ME3: variants seen among roughly 807,000 people sequenced by gnomAD.
ME3 encodes malic enzyme 3.
In ME3, 48 loss-of-function variants were observed where a neutral mutation model predicts 68.9. That is an observed-to-expected ratio of 0.70 (90% CI 0.55 to 0.89). ME3 has a LOEUF of 0.89. Among genes scored for constraint, ME3 ranks in the 40% least tolerant of loss-of-function variants. The pLI, the probability that ME3 is intolerant of heterozygous loss-of-function variation, is 0.00. For synonymous variants in ME3, 320 were observed against 318.8 expected, an observed-to-expected ratio of 1.00 and a Z score of -0.04; for missense variants, 675 against 797.4, an observed-to-expected ratio of 0.85 and a Z score of 1.85.
intron 2 of ME3, among the ~76,000 whole-genome samples, chr11:86,598,033 T>A (rs570135978): frequency 2.0e-5 from 3 of 151,882 alleles, no homozygotes; most frequent in Middle Eastern, 3.2e-3. Flanking sequence ...AGAAGATGGG[T>A]GATTTCTGCA....
chr11:86,528,724 A>G (rs1440963311), intron 4 of ME3, among the ~76,000 whole-genome samples: 4 of 151,764 alleles, frequency 2.6e-5, no homozygotes, highest in African/African-American at 7.3e-5. Context: ...GCTCAACTAC[A>G]TGGAAACTGA....
exon 1 of ME3, chr11:86,672,340 G>A: frequency 5.5e-6 from 1 of 181,098 alleles, no homozygotes; most frequent in Non-Finnish European, 1.1e-5. Flanking sequence ...TGCTCGGGGA[G>A]CTGAGGTCTA....
chr11:86,617,242 AAAT>A (rs1419687454), intron 2 of ME3, among the ~76,000 whole-genome samples: 2 of 151,524 alleles, frequency 1.3e-5, no homozygotes, highest in Non-Finnish European at 2.9e-5. Context: ...TAGGTTTTGA[AAAT>A]AATAATGCAG....
At chr11:86,532,699 T>C (rs374480485) in intron 4 of ME3, among the ~76,000 whole-genome samples, 204 of 152,266 alleles carry the variant, frequency 1.3e-3, no homozygotes, top group African/African-American at 4.3e-3. Context: ...TAGCATAATG[T>C]AACATATGAG....
chr11:86,564,851 C>G (rs913003334), intron 2 of ME3, among the ~76,000 whole-genome samples: 1 of 151,998 alleles, frequency 6.6e-6, no homozygotes, highest in Non-Finnish European at 1.5e-5. Context: ...AACTGGACTT[C>G]ATCAAAATAA....
intron 5 of ME3, among the ~76,000 whole-genome samples, chr11:86,504,507 C>G (rs773893011): frequency 2.0e-5 from 3 of 150,236 alleles, no homozygotes; most frequent in Non-Finnish European, 4.4e-5. Flanking sequence ...TCTCCTGCCT[C>G]AGCCTCCCGA....
At position 86,471,240 on chromosome 11, in the gene ME3, A is replaced by G. The variant is rs149240904; in HGVS notation, c.810-6040T>C. On this transcript the variant is annotated intron_variant, in intron 7 of 14. Coordinates refer to ENST00000543262, the Ensembl canonical transcript of ME3. The stretch of plus-strand genomic sequence containing the variant: ...CTCCTCCACCTCCCGGGTTCAAGCA[A>G]TTCTCCTGCCTCAGTCTCCCAAGTA... 2.1e-5 allele frequency among the ~76,000 whole-genome samples: 3 copies of G among 145,548 alleles called. No homozygotes were observed. The South Asian group carries it at 6.5e-4, about 31-fold the overall frequency.
intron 2 of ME3, among the ~76,000 whole-genome samples, chr11:86,659,158 C>T (rs996477361): frequency 1.5e-4 from 23 of 152,146 alleles, no homozygotes; most frequent in African/African-American, 4.6e-4. Flanking sequence ...TCATCAGAAA[C>T]GGACACACAG....
intron 2 of ME3, among the ~76,000 whole-genome samples, chr11:86,646,570 G>A (rs962469247): frequency 1.3e-5 from 2 of 152,152 alleles, no homozygotes; most frequent in Non-Finnish European, 2.9e-5. Context: ...TGAAACCTAC[G>A]TTTGATTGGT....
chr11:86,538,700 G>A (rs943313247), intron 4 of ME3, among the ~76,000 whole-genome samples: 3 of 151,966 alleles, frequency 2.0e-5, no homozygotes, highest in Non-Finnish European at 4.4e-5. Context: ...GTTCCCTGTG[G>A]GCTCTCCTCT....
At chr11:86,534,266 A>G (rs1052964133) in intron 4 of ME3, among the ~76,000 whole-genome samples, 2 of 152,186 alleles carry the variant, frequency 1.3e-5, no homozygotes, top group African/African-American at 4.8e-5. Context: ...CTTAGGCTAC[A>G]CTAAATTTTT....
At chr11:86,529,813 G>T (rs1285069741) in intron 4 of ME3, among the ~76,000 whole-genome samples, 1 of 152,142 alleles carries the variant, frequency 6.6e-6, no homozygotes, top group Non-Finnish European at 1.5e-5. Context: ...AACCCTTCAT[G>T]CTAAAAACTC....
intron 2 of ME3, among the ~76,000 whole-genome samples, chr11:86,591,390 TA>T (rs1293850173): frequency 6.6e-6 from 1 of 152,152 alleles, no homozygotes; most frequent in Non-Finnish European, 1.5e-5. Context: ...GCAGTGGCAT[TA>T]AAATGGGGTT....
At chr11:86,586,277 G>T (rs930179345) in intron 2 of ME3, among the ~76,000 whole-genome samples, 6 of 152,180 alleles carry the variant, frequency 3.9e-5, no homozygotes, top group Non-Finnish European at 8.8e-5. Flanking sequence ...AGGTTAGTGG[G>T]TAGGAGCAAT....
intron 4 of ME3, among the ~76,000 whole-genome samples, chr11:86,555,464 G>T (rs1956880401): frequency 6.6e-6 from 1 of 152,184 alleles, no homozygotes; most frequent in South Asian, 2.1e-4. Flanking sequence ...TTGAAGACCA[G>T]AACTGTTATG....
intron 4 of ME3, among the ~76,000 whole-genome samples, chr11:86,509,717 T>C (rs898103012): frequency 3.4e-5 from 5 of 148,950 alleles, no homozygotes; most frequent in African/African-American, 1.2e-4. Flanking sequence ...ACCCAAATTA[T>C]TGGCTGACCA....
intron 2 of ME3, among the ~76,000 whole-genome samples, chr11:86,651,933 A>G (rs182688708): frequency 6.6e-6 from 1 of 152,356 alleles, no homozygotes; most frequent in East Asian, 1.9e-4. Context: ...TGGCACGAGA[A>G]CCACATGACG....
At chr11:86,543,828 C>T (rs991754759) in intron 4 of ME3, among the ~76,000 whole-genome samples, 1 of 152,158 alleles carries the variant, frequency 6.6e-6, no homozygotes, top group African/African-American at 2.4e-5. Context: ...ACAGAACTCT[C>T]CACCCCAAAT....
intron 6 of ME3, among the ~76,000 whole-genome samples, chr11:86,494,332 AC>A (rs1251915583): frequency 6.6e-6 from 1 of 151,958 alleles, no homozygotes; most frequent in East Asian, 1.9e-4. Flanking sequence ...CAAACACCTG[AC>A]CCCTTGGAGC....
Sources: gnomAD v4.1 joint callset for allele counts (sites outside exome capture counted in the v4.1 genomes callset) on GRCh38, gnomAD v4.1.1 for gene constraint, MANE v1.5 for transcripts, NCBI Gene and HGNC (gene_info 2026-07-23, HGNC 2026-07-21) for gene names.